Variants in STAG2 observed in about 807,000 individuals in gnomAD.
The protein encoded by STAG2 is cohesin subunit SA-2.
Under a neutral mutation model 108.1 loss-of-function variants are expected in STAG2, and 14 were observed. The observed-to-expected ratio is 0.13, with a 90% CI of 0.09 to 0.20. The LOEUF is 0.20. Ranked by LOEUF, STAG2 falls within the 10% of genes least tolerant of loss-of-function variation. STAG2 has a pLI of 1.00. For synonymous variants in STAG2, 307 were observed against 302.7 expected (o/e 1.01, Z -0.15); for missense variants, 440 against 940.9 (o/e 0.47, Z 6.96).
chrX:124,047,024 A>G (rs1399464179), intron 8 of STAG2, among the ~76,000 whole-genome samples: 3 of 111,369 alleles, frequency 2.7e-5, no homozygotes, highest in Non-Finnish European at 5.7e-5. Context: ...GGATTTAAGG[A>G]TAGACTGGAG....
chrX:124,078,964 G>T (rs372468840), intron 27 of STAG2, among the ~76,000 whole-genome samples: 9 of 107,798 alleles, frequency 8.3e-5, no homozygotes, highest in Non-Finnish European at 1.7e-4. Flanking sequence ...GTGAGACTCT[G>T]TCTCAAAACA....
chrX:124,102,186 A>C lies in STAG2; in HGVS notation c.*1589A>C, dbSNP rs1015571250. On this transcript the variant is annotated 3_prime_UTR_variant, in exon 35 of 35. Transcript: ENST00000371145. ...ACAAATGAATCCAGACTTGTCTAAC[A>C]GATTTTCCATCAACAAATATTGTTA... is the stretch of plus-strand genomic sequence containing the variant. 5.0e-5 allele frequency: 8 copies of C among 158,523 alleles called. No individual in the cohort carries two copies. Among genetic ancestry groups the C allele is most frequent in the Admixed American group, 8.3e-5 (1 of 12,056 alleles). 13.1% of individuals were successfully genotyped at this position (158,523 alleles called of 1,213,427 possible).
intron 1 of STAG2, among the ~76,000 whole-genome samples, chrX:124,009,430 GGTAGGTAGGTA>G (rs1569501854): frequency 2.8e-4 from 25 of 88,425 alleles, no homozygotes; most frequent in African/African-American, 8.9e-4. Flanking sequence ...TAGGTAGGTA[GGTAGGTAGGTA>G]GGTAGATAGA....
intron 1 of STAG2, among the ~76,000 whole-genome samples, chrX:123,968,742 T>C (rs1341872109): frequency 8.9e-6 from 1 of 112,385 alleles, no homozygotes; most frequent in Non-Finnish European, 1.9e-5. Context: ...AGAATAACTT[T>C]TGAAACCTGA....
chrX:124,056,200 A>G lies in STAG2; in HGVS notation c.1269A>G (p.Pro423=). 1.7e-6 allele frequency: 2 copies of G among 1,207,703 alleles called. No homozygotes were observed. Among genetic ancestry groups the G allele is most frequent in the Non-Finnish European group, 2.2e-6 (2 of 892,743 alleles). The part of the protein sequence containing the change: ...VYHLVYSAHR[P]VAVAAGEFLY... ...ATCTGGTTTATTCAGCTCACCGGCC[A>G]GTAGCAGTAGCAGCTGGAGAATTTC... Residue 423 remains proline (P), a synonymous_variant, in exon 14 of 35, where the codon CCA becomes CCG. Coordinates refer to ENST00000371145, the MANE Select transcript of STAG2 (RefSeq NM_001042750.2).
chrX:124,099,721 A>T (rs189616839), intron 34 of STAG2, among the ~76,000 whole-genome samples: 1 of 111,925 alleles, frequency 8.9e-6, no homozygotes, highest in East Asian at 2.8e-4. Context: ...GTAATATTTC[A>T]GCTCATTACA....
intron 26 of STAG2, 54 bp from the exon 27 acceptor site, chrX:124,077,900 CTTA>C (rs1276305050): frequency 3.7e-6 from 3 of 821,624 alleles, no homozygotes; most frequent in Non-Finnish European, 3.4e-6. Flanking sequence ...TAAAATTTGT[CTTA>C]TTGTCAAGTA....
At chrX:123,973,932 T>C (rs2054496954) in intron 1 of STAG2, among the ~76,000 whole-genome samples, 1 of 111,227 alleles carries the variant, frequency 9.0e-6, no homozygotes, top group Non-Finnish European at 1.9e-5. Context: ...ATATAGTCAG[T>C]TGGACTTTGT....
intron 15 of STAG2, among the ~76,000 whole-genome samples, chrX:124,058,652 A>T (rs1374125602): frequency 8.9e-6 from 1 of 112,224 alleles, no homozygotes; most frequent in Non-Finnish European, 1.9e-5. Context: ...ACACTGAAAT[A>T]ATCTGTATAA....
intron 2 of STAG2, among the ~76,000 whole-genome samples, chrX:124,022,203 T>C (rs982958249): frequency 9.1e-6 from 1 of 109,935 alleles, no homozygotes. Flanking sequence ...AAACCCCATC[T>C]CTACTAAAAA....
chrX:124,092,041 T>G (rs1037008020), intron 32 of STAG2, among the ~76,000 whole-genome samples: 6 of 112,079 alleles, frequency 5.4e-5, no homozygotes, highest in Non-Finnish European at 1.9e-5. Context: ...AGCATTGTAT[T>G]TATAATGTGG....
chrX:123,992,745 C>G (rs1406439130), intron 1 of STAG2, among the ~76,000 whole-genome samples: 2 of 110,962 alleles, frequency 1.8e-5, no homozygotes, highest in East Asian at 5.6e-4. Flanking sequence ...TCACCATGTT[C>G]CCCAGGCTGG....
intron 1 of STAG2, among the ~76,000 whole-genome samples, chrX:124,001,291 C>G: frequency 9.0e-6 from 1 of 111,077 alleles, no homozygotes; most frequent in Non-Finnish European, 1.9e-5. Flanking sequence ...GGGGTTTCAC[C>G]GTGTTAGCCA....
At chrX:124,024,137 A>G (rs2057018261) in intron 3 of STAG2, among the ~76,000 whole-genome samples, 1 of 110,944 alleles carries the variant, frequency 9.0e-6, no homozygotes, top group African/African-American at 3.3e-5. Context: ...TTCTTTAGAA[A>G]GTTTTTCAGT....
intron 27 of STAG2, 132 bp downstream of exon 27, chrX:124,078,190 T>G (rs28576795): frequency 2.2e-6 from 1 of 455,444 alleles, no homozygotes; most frequent in Non-Finnish European, 3.7e-6. Flanking sequence ...AAAGTATAAG[T>G]GAGATTATTT....
At chrX:124,004,076 C>CACCA (rs778768924) in intron 1 of STAG2, among the ~76,000 whole-genome samples, 5 of 112,046 alleles carry the variant, frequency 4.5e-5, no homozygotes, top group Admixed American at 9.5e-5. Context: ...GTGCAGCCGT[C>CACCA]ACCACCATCC....
At chrX:124,028,698 G>A (rs1425747594) in intron 4 of STAG2, among the ~76,000 whole-genome samples, 1 of 107,585 alleles carries the variant, frequency 9.3e-6, no homozygotes, top group Non-Finnish European at 1.9e-5. Context: ...AAATACCACA[G>A]GCTTTCAGTG....
intron 5 of STAG2, 125 bp downstream of exon 5, chrX:124,031,250 A>C: frequency 2.9e-6 from 2 of 685,859 alleles, no homozygotes; most frequent in South Asian, 1.3e-4. Flanking sequence ...AAAAAGCAAC[A>C]AAATCATCAG....
At chrX:124,063,077 T>A in intron 18 of STAG2, 39 bp from the exon 19 acceptor site, 4 of 1,174,418 alleles carry the variant, frequency 3.4e-6, no homozygotes, top group Non-Finnish European at 4.6e-6. Flanking sequence ...TAATGCTTTC[T>A]TATTGTGATA....
Sources: gnomAD v4.1 joint callset for allele counts (sites outside exome capture counted in the v4.1 genomes callset) on GRCh38, gnomAD v4.1.1 for gene constraint, MANE v1.5 for transcripts, NCBI Gene and HGNC (gene_info 2026-07-23, HGNC 2026-07-21) for gene names.